The following ROBO1 variants were observed in gnomAD, a reference collection of about 807,000 sequenced individuals.
ROBO1 encodes roundabout homolog 1.
ROBO1 carries 149 observed loss-of-function variants against 195.9 expected under a neutral mutation model. The observed-to-expected ratio is 0.76, with a 90% CI of 0.67 to 0.87. The LOEUF is 0.87. ROBO1 is among the 40% of genes least tolerant of loss of function. ROBO1 has a pLI of 0.00. For synonymous variants in ROBO1, 816 were observed against 733.2 expected, an observed-to-expected ratio of 1.11 and a Z score of -1.82; for missense variants, 1,933 against 2,068.3, an observed-to-expected ratio of 0.93 and a Z score of 1.27.
At chr3:79,371,391 G>A (rs2036187380) in intron 2 of ROBO1, among the ~76,000 whole-genome samples, 1 of 152,066 alleles carries the variant, frequency 6.6e-6, no homozygotes, top group African/African-American at 2.4e-5. Context: ...ATAAGATAAT[G>A]GACCCTTTAG....
At chr3:79,668,412 G>A (rs1946533199) in intron 1 of ROBO1, among the ~76,000 whole-genome samples, 1 of 57,886 alleles carries the variant, frequency 1.7e-5, no homozygotes, top group African/African-American at 6.8e-5. Flanking sequence ...TTATAAATAA[G>A]TCTCTGTGAA....
chr3:79,656,454 A>C (rs1367426942), intron 1 of ROBO1, among the ~76,000 whole-genome samples: 2 of 152,106 alleles, frequency 1.3e-5, no homozygotes, highest in Admixed American at 1.3e-4. Context: ...AAAACAGGAA[A>C]TGCAAATTCC....
In ROBO1 at chr3:78,608,498, CT is replaced by C. The variant is rs1703602147; in HGVS notation, c.4436-1458del. Reference sequence around the variant, plus strand: ...AAAAAATTTTTTTAATCAGTGCTATCTTTAAAAATCATTCCTCCGGGGAGAA... The same window carrying C: ...AAAAAATTTTTTTAATCAGTGCTATCTTAAAAATCATTCCTCCGGGGAGAA... On this transcript the variant is annotated intron_variant, in intron 28 of 30. Transcript: ENST00000464233. 2.0e-5 allele frequency among the ~76,000 whole-genome samples: 3 copies of C among 152,060 alleles called. No individual in the cohort carries two copies. In the South Asian group the frequency reaches 6.2e-4, roughly 31 times the overall value.
intron 3 of ROBO1, among the ~76,000 whole-genome samples, chr3:79,012,195 A>G (rs1005398532): frequency 6.6e-6 from 1 of 152,218 alleles, no homozygotes; most frequent in Non-Finnish European, 1.5e-5. Context: ...TGATTTGAAA[A>G]ATAGATCCCC....
chr3:78,895,902 T>A (rs1468942578), intron 4 of ROBO1, among the ~76,000 whole-genome samples: 1 of 152,184 alleles, frequency 6.6e-6, no homozygotes, highest in Non-Finnish European at 1.5e-5. Context: ...AAATAAGAAT[T>A]ATACTTTTGT....
At chr3:79,394,540 A>G (rs1233831845) in intron 2 of ROBO1, among the ~76,000 whole-genome samples, 1 of 152,004 alleles carries the variant, frequency 6.6e-6, no homozygotes, top group Admixed American at 6.6e-5. Context: ...AGATATAAAT[A>G]TAGATACATG....
At chr3:79,760,646 A>T (rs1023253783) in intron 1 of ROBO1, among the ~76,000 whole-genome samples, 1 of 151,494 alleles carries the variant, frequency 6.6e-6, no homozygotes, top group African/African-American at 2.4e-5. Context: ...CTATGAAAAC[A>T]TGCTCACCAC....
chr3:78,714,828 C>T, intron 7 of ROBO1: 1 of 238,472 alleles, frequency 4.2e-6, no homozygotes, highest in Non-Finnish European at 8.0e-6. Context: ...TAATTAAATT[C>T]TTACCATTTG....
At chr3:79,027,265 A>G (rs556189522) in intron 3 of ROBO1, among the ~76,000 whole-genome samples, 1 of 152,254 alleles carries the variant, frequency 6.6e-6, no homozygotes, top group South Asian at 2.1e-4. Context: ...GAGTCAGTAA[A>G]TAAAAGTAGT....
intron 2 of ROBO1, among the ~76,000 whole-genome samples, chr3:79,260,104 AC>A (rs1462476522): frequency 1.9e-4 from 29 of 150,638 alleles, no homozygotes; most frequent in African/African-American, 6.9e-4. Context: ...ACACACACAC[AC>A]AAATATATAT....
chr3:79,535,173 A>G (rs1382860501), intron 2 of ROBO1, among the ~76,000 whole-genome samples: 1 of 152,136 alleles, frequency 6.6e-6, no homozygotes, highest in Non-Finnish European at 1.5e-5. Context: ...ATTCCCTTTC[A>G]GCAACAAATC....
intron 3 of ROBO1, among the ~76,000 whole-genome samples, chr3:79,051,657 A>C (rs1376763529): frequency 1.3e-5 from 2 of 152,184 alleles, no homozygotes; most frequent in African/African-American, 4.8e-5. Flanking sequence ...GAAAATCCTC[A>C]TAAAATGTTG....
intron 2 of ROBO1, among the ~76,000 whole-genome samples, chr3:79,465,771 AT>A (rs1281972548): frequency 6.6e-6 from 1 of 152,028 alleles, no homozygotes; most frequent in Non-Finnish European, 1.5e-5. Context: ...ATGTACGTAA[AT>A]TTTCTTACAT....
intron 4 of ROBO1, among the ~76,000 whole-genome samples, chr3:78,791,816 G>A (rs553765510): frequency 2.0e-5 from 3 of 152,290 alleles, no homozygotes; most frequent in South Asian, 2.1e-4. Flanking sequence ...GCAATGTTCC[G>A]TGTAATTATG....
At chr3:78,740,330 AT>A (rs2082495414) in intron 5 of ROBO1, among the ~76,000 whole-genome samples, 1 of 150,732 alleles carries the variant, frequency 6.6e-6, no homozygotes, top group Non-Finnish European at 1.5e-5. Flanking sequence ...AGCTATTGTT[AT>A]TATTCTCTCT....
intron 2 of ROBO1, among the ~76,000 whole-genome samples, chr3:79,492,325 T>C (rs2107454888): frequency 6.7e-6 from 1 of 149,028 alleles, no homozygotes; most frequent in Non-Finnish European, 1.5e-5. Context: ...CTTGGGAGGC[T>C]GAGGCAGGAG....
intron 1 of ROBO1, among the ~76,000 whole-genome samples, chr3:79,626,595 A>G (rs1424433086): frequency 6.6e-6 from 1 of 152,206 alleles, no homozygotes; most frequent in African/African-American, 2.4e-5. Flanking sequence ...ATTATAAGAC[A>G]AGGATGCCCT....
chr3:79,706,719 A>G (rs866916844), intron 1 of ROBO1, among the ~76,000 whole-genome samples: 7 of 152,094 alleles, frequency 4.6e-5, no homozygotes, highest in Admixed American at 1.3e-4. Context: ...CATGTAAAAT[A>G]TGACTTGCTC....
intron 2 of ROBO1, among the ~76,000 whole-genome samples, chr3:79,274,635 T>G (rs1251303414): frequency 1.3e-5 from 2 of 150,658 alleles, no homozygotes; most frequent in Non-Finnish European, 3.0e-5. Context: ...GAAGAAATAA[T>G]AAAGATCTGA....
Sources: gnomAD v4.1 joint callset for allele counts (sites outside exome capture counted in the v4.1 genomes callset) on GRCh38, gnomAD v4.1.1 for gene constraint, MANE v1.5 for transcripts, NCBI Gene and HGNC (gene_info 2026-07-23, HGNC 2026-07-21) for gene names.